The following SLC6A11 variants were observed in gnomAD, a reference collection of about 807,000 sequenced individuals.
SLC6A11 encodes sodium- and chloride-dependent GABA transporter 3.
A neutral mutation model predicts 74.8 loss-of-function variants in SLC6A11; 25 were observed. That is an observed-to-expected ratio of 0.33 (90% confidence interval 0.24 to 0.47). SLC6A11 has a LOEUF of 0.47. SLC6A11 is among the 20% of genes least tolerant of loss of function. SLC6A11 has a pLI of 1.00. For synonymous variants in SLC6A11, 330 were observed against 330.2 expected (o/e 1.00, Z 0.01); for missense variants, 574 against 837.0 (o/e 0.69, Z 3.88).
rs138223147 is a variant in SLC6A11, at chr3:10,933,002, T to C, written c.1372-149T>C. The C allele has an allele frequency of 1.5e-4, 100 of 648,676 alleles. No individual in the cohort carries two copies. In the East Asian group the frequency reaches 2.5e-3, roughly 16 times the overall value. The allele number at this position is 648,676 out of a possible 1,614,324, so 40.2% of individuals were successfully genotyped here. Reference sequence around the variant, plus strand: ...GGGCTCCCAGATGGGAGGGTGCAATTTTCAAACTGGGAAGACTAGGGAGAA... The same window carrying C: ...GGGCTCCCAGATGGGAGGGTGCAATCTTCAAACTGGGAAGACTAGGGAGAA... On this transcript the variant is annotated intron_variant, in intron 10 of 13. Transcript: ENST00000254488.
At chr3:10,875,725 A>G (rs907618303) in intron 6 of SLC6A11, among the ~76,000 whole-genome samples, 3 of 152,200 alleles carry the variant, frequency 2.0e-5, no homozygotes, top group Non-Finnish European at 4.4e-5. Context: ...GTGGGCAGTA[A>G]TTGTGCCTAA....
At chr3:10,877,846 A>G (rs575414586) in intron 6 of SLC6A11, among the ~76,000 whole-genome samples, 297 of 152,262 alleles carry the variant, frequency 2.0e-3, no homozygotes, top group Non-Finnish European at 3.3e-3. Context: ...AGTGTTTACC[A>G]CTTGGCTCTT....
rs1379688455 is a variant in SLC6A11 at position 10,938,543 on chromosome 3, C to T, written c.*141C>T. 1.3e-6 allele frequency: 1 copy of T among 796,068 alleles called. No homozygotes were observed. The highest frequency in any genetic ancestry group is 1.9e-6 in the Non-Finnish European group (1 of 522,410). The allele number at this position is 796,068 out of a possible 1,614,324, so 49.3% of individuals were successfully genotyped here. A position where few individuals can be genotyped will look rare whatever the true frequency, so the allele number is the denominator to read the frequency against. ...ATTAACAAGTTAATTTTAAGGTGGCCACTGTACACTGCTCTAAAGTCATAT... is the reference window on the plus strand; with the variant it reads ...ATTAACAAGTTAATTTTAAGGTGGCTACTGTACACTGCTCTAAAGTCATAT... On this transcript the variant is annotated 3_prime_UTR_variant, in exon 14 of 14. Transcript: ENST00000254488.
intron 5 of SLC6A11, among the ~76,000 whole-genome samples, chr3:10,873,568 C>A (rs1209712016): frequency 9.5e-6 from 1 of 105,342 alleles, no homozygotes; most frequent in Admixed American, 9.3e-5. Context: ...CCCTACCCTA[C>A]CCTACCCTAC....
chr3:10,825,838 T>C (rs1559552572), intron 4 of SLC6A11, among the ~76,000 whole-genome samples: 1 of 152,258 alleles, frequency 6.6e-6, no homozygotes, highest in African/African-American at 2.4e-5. Context: ...TAATTTCCTT[T>C]AAGCACAAGT....
chr3:10,867,750 T>A (rs1263497739), intron 5 of SLC6A11, among the ~76,000 whole-genome samples: 4 of 152,194 alleles, frequency 2.6e-5, no homozygotes, highest in Non-Finnish European at 4.4e-5. Flanking sequence ...GAGACAGCTC[T>A]TCCCTTTTCA....
chr3:10,890,329 A>G (rs989343711), intron 6 of SLC6A11, among the ~76,000 whole-genome samples: 1 of 152,226 alleles, frequency 6.6e-6, no homozygotes. Context: ...ATGAAACAGC[A>G]GAGTTCTAAG....
At chr3:10,886,644 TA>T (rs1386125813) in intron 6 of SLC6A11, among the ~76,000 whole-genome samples, 2 of 152,094 alleles carry the variant, frequency 1.3e-5, no homozygotes, top group Admixed American at 1.3e-4. Flanking sequence ...CCATCTCTAC[TA>T]AAAATACAAA....
chr3:10,829,872 G>A (rs1165886110), intron 4 of SLC6A11, among the ~76,000 whole-genome samples: 2 of 152,172 alleles, frequency 1.3e-5, no homozygotes, highest in East Asian at 1.9e-4. Flanking sequence ...GCAAGGCCTT[G>A]TTTCCCACTC....
intron 13 of SLC6A11, 43 bp from the exon 14 acceptor site, chr3:10,938,207 G>A: frequency 1.3e-6 from 2 of 1,542,910 alleles, no homozygotes; most frequent in Non-Finnish European, 1.8e-6. Context: ...CTGGACCCTG[G>A]CAGCTAATCA....
chr3:10,867,042 A>G (rs573385602), intron 5 of SLC6A11, among the ~76,000 whole-genome samples: 1 of 152,314 alleles, frequency 6.6e-6, no homozygotes, highest in East Asian at 1.9e-4. Context: ...GTGATTGTCT[A>G]GGGATTGGAT....
intron 6 of SLC6A11, among the ~76,000 whole-genome samples, chr3:10,887,196 T>C (rs991069282): frequency 3.3e-5 from 5 of 151,720 alleles, no homozygotes; most frequent in Non-Finnish European, 5.9e-5. Context: ...GATGGATAGA[T>C]GAATGATAAA....
At chr3:10,884,613 A>G (rs1010002946) in intron 6 of SLC6A11, among the ~76,000 whole-genome samples, 1 of 152,030 alleles carries the variant, frequency 6.6e-6, no homozygotes, top group African/African-American at 2.4e-5. Flanking sequence ...GTCGTGTCTG[A>G]TTTTCCTGAC....
At chr3:10,920,163 A>T (rs1695517273) in intron 8 of SLC6A11, among the ~76,000 whole-genome samples, 1 of 152,208 alleles carries the variant, frequency 6.6e-6, no homozygotes, top group Non-Finnish European at 1.5e-5. Flanking sequence ...GCTGTTGCTC[A>T]TTTTATCATT....
At chr3:10,894,160 G>A (rs1695141956) in intron 6 of SLC6A11, among the ~76,000 whole-genome samples, 1 of 152,182 alleles carries the variant, frequency 6.6e-6, no homozygotes, top group South Asian at 2.1e-4. Flanking sequence ...CATTCCCCCA[G>A]GCCCCTGGGT....
At chr3:10,933,331 C>G (rs1695716150) in intron 11 of SLC6A11, 78 bp downstream of exon 11, 2 of 958,780 alleles carry the variant, frequency 2.1e-6, no homozygotes, top group Non-Finnish European at 3.4e-6. Flanking sequence ...CTCTGGTTGG[C>G]TCTGGTTCTC....
Position 10,856,403 on chromosome 3 carries a change from C to T in SLC6A11, c.756+12057C>T, listed in dbSNP as rs531541992. On this transcript the variant is annotated intron_variant, in intron 5 of 13. Transcript: ENST00000254488. ...GCTGAGGCACATCGTTTGCAGAGCA[C>T]CTGCCACATGCTGGACTTTGGCCTG... Among the ~76,000 whole-genome samples, 61 of 152,372 alleles carry T rather than the reference C, an allele frequency of 4.0e-4. 1 individual carries two copies. In the Middle Eastern group the frequency reaches 0.014, roughly 34 times the overall value.
chr3:10,844,132 C>T (rs1694472782), intron 4 of SLC6A11, 82 bp from the exon 5 acceptor site: 1 of 1,545,666 alleles, frequency 6.5e-7, no homozygotes, highest in Admixed American at 1.7e-5. Context: ...CACATGGGCC[C>T]ATCCCTGCTC....
intron 5 of SLC6A11, among the ~76,000 whole-genome samples, chr3:10,850,256 G>T (rs2106589147): frequency 6.6e-6 from 1 of 152,248 alleles, no homozygotes; most frequent in Admixed American, 6.5e-5. Context: ...CTTTTCTAAA[G>T]GATCCTTAAA....
Sources: gnomAD v4.1 joint callset for allele counts (sites outside exome capture counted in the v4.1 genomes callset) on GRCh38, gnomAD v4.1.1 for gene constraint, MANE v1.5 for transcripts, NCBI Gene and HGNC (gene_info 2026-07-23, HGNC 2026-07-21) for gene names.